IFT140: variants seen among roughly 807,000 people sequenced by gnomAD.
IFT140 encodes the protein intraflagellar transport protein 140 homolog.
In IFT140, 133 loss-of-function variants were observed where a neutral mutation model predicts 164.6. The observed-to-expected ratio is 0.81, with a 90% CI of 0.70 to 0.93. IFT140 has a LOEUF of 0.93. IFT140 is among the 40% of genes least tolerant of loss of function. The probability of loss-of-function intolerance (pLI) is 0.00; values close to 1 mark genes in which losing one functional copy is unlikely to be tolerated. For synonymous variants in IFT140, 860 were observed against 817.3 expected (o/e 1.05, Z -0.89); for missense variants, 2,045 against 1,972.3 (o/e 1.04, Z -0.70).
chr16:1,539,010 C>A (rs2031353115), intron 19 of IFT140, among the ~76,000 whole-genome samples: 1 of 151,532 alleles, frequency 6.6e-6, no homozygotes, highest in African/African-American at 2.4e-5. Context: ...GCCACGCGGC[C>A]CCCCACCTCA....
rs547567904 is a variant in IFT140, at chr16:1,548,217, A to G, written c.2399+9718T>C. 3.3e-4 allele frequency among the ~76,000 whole-genome samples: 51 copies of G among 152,336 alleles called. 1 individual carries two copies. The highest frequency in any genetic ancestry group is 1.1e-3 in the African/African-American group (47 of 41,568). ...GTGGCCAGGGGGCCGTCTGCTCCGC[A>G]TAGATTCTCTTTAGAGCCAGTTGCA... On this transcript the variant is annotated intron_variant, in intron 19 of 30. Coordinates refer to ENST00000426508, the MANE Select transcript of IFT140 (RefSeq NM_014714.4).
At chr16:1,536,481 C>A (rs1431060238) in intron 19 of IFT140, among the ~76,000 whole-genome samples, 1 of 152,252 alleles carries the variant, frequency 6.6e-6, no homozygotes, top group Non-Finnish European at 1.5e-5. Context: ...TGTATGGCAT[C>A]TGCAGGTGGC....
intron 11 of IFT140, among the ~76,000 whole-genome samples, 162 bp downstream of exon 11, chr16:1,584,055 C>T (rs1412287648): frequency 1.3e-5 from 2 of 152,128 alleles, no homozygotes; most frequent in African/African-American, 4.8e-5. Flanking sequence ...TTACGATTTT[C>T]TTTATGAATA....
intron 6 of IFT140, among the ~76,000 whole-genome samples, chr16:1,591,448 T>C (rs1001094440): frequency 2.0e-5 from 3 of 152,202 alleles, no homozygotes; most frequent in African/African-American, 7.2e-5. Flanking sequence ...TCATCTGCTC[T>C]CTTCTTCCTG....
chr16:1,604,317 G>GTGTGTGTGTGTGTGTGTGTGTGT (rs10701132), intron 3 of IFT140: 17 of 125,000 alleles, frequency 1.4e-4, no homozygotes, highest in Admixed American at 6.2e-4. Flanking sequence ...GTGTGTGTGT[G>GTGTGTGTGTGTGTGTGTGTGTGT]GAGGGGGGAG....
intron 19 of IFT140, among the ~76,000 whole-genome samples, chr16:1,543,401 C>T (rs1047855259): frequency 6.6e-6 from 1 of 152,156 alleles, no homozygotes; most frequent in East Asian, 1.9e-4. Flanking sequence ...CGAGTCAGGC[C>T]GGGCTCTCTG....
Position 1,518,377 on chromosome 16 carries a change from G to GTCAT in IFT140, c.4041-21_4041-20insATGA. 6.2e-7 allele frequency: 1 copy of GTCAT among 1,606,426 alleles called. No homozygotes were observed. Among genetic ancestry groups the GTCAT allele is most frequent in the East Asian group, 2.2e-5 (1 of 44,548 alleles). Reference sequence around the variant, plus strand: ...TACGTCCTGCCGAGAGCAGAGATGAGGCCTGGGCCCCGAAGCCCTGAACAC... The same window carrying GTCAT: ...TACGTCCTGCCGAGAGCAGAGATGAGTCATGCCTGGGCCCCGAAGCCCTGAACAC... On this transcript the variant is annotated intron_variant, in intron 29 of 30. Transcript: ENST00000426508.
At chr16:1,526,997 C>A in intron 19 of IFT140, 1 of 573,038 alleles carries the variant, frequency 1.7e-6, no homozygotes, top group Non-Finnish European at 3.0e-6. Context: ...CACGGCCTTC[C>A]TAACCCCAAG....
In IFT140 at chr16:1,564,106, C is replaced by T; in HGVS notation, c.1958G>A (p.Trp653Ter). ...LKNYVPVNHF[W>*]DQSEPRLFVC... Reference sequence around the variant, plus strand: ...AAACAGCCGGGGCTCACTCTGGTCCCAGAAGTGGTTCACGGGAACATAATT... The same window carrying T: ...AAACAGCCGGGGCTCACTCTGGTCCTAGAAGTGGTTCACGGGAACATAATT... The change falls in exon 17 of 31, where the codon TGG (tryptophan) becomes TAG (stop). Residue 653 changes from tryptophan to a stop codon, truncating the protein, a stop_gained. Transcript: ENST00000426508. LOFTEE classifies it high-confidence loss of function. The surrounding 1 kb of genome is among the most constrained non-coding windows in gnomAD (Gnocchi z 5.5). The T allele has an allele frequency of 1.9e-6, 3 of 1,598,936 alleles. No individual in the cohort carries two copies. The highest frequency in any genetic ancestry group is 2.6e-6 in the Non-Finnish European group (3 of 1,168,370).
rs1390830763 is a variant in IFT140, at chr16:1,551,466, G to A, written c.2399+6469C>T. On this transcript the variant is annotated intron_variant, in intron 19 of 30. Transcript: ENST00000426508. The surrounding 1 kb of genome is among the most constrained non-coding windows in gnomAD (Gnocchi z 4.0). ...GCCCCAGGGTGGCAGAAGGGCGGCC[G>A]CAGGTAGCAGGGGAGACCCTAAGGC... Among the ~76,000 whole-genome samples, 3 of 152,176 alleles carry A rather than the reference G, an allele frequency of 2.0e-5. No homozygotes were observed. The highest frequency in any genetic ancestry group is 6.5e-5 in the Admixed American group (1 of 15,284).
intron 26 of IFT140, among the ~76,000 whole-genome samples, chr16:1,522,404 G>A (rs752304014): frequency 6.6e-6 from 1 of 152,106 alleles, no homozygotes; most frequent in African/African-American, 2.4e-5. Flanking sequence ...GCGTGGTGGT[G>A]CATGCCTGTA....
At chr16:1,571,215 G>A (rs930957297) in intron 14 of IFT140, among the ~76,000 whole-genome samples, 192 bp downstream of exon 14, 9 of 152,034 alleles carry the variant, frequency 5.9e-5, no homozygotes, top group African/African-American at 1.4e-4. Flanking sequence ...TCCTCTCCCC[G>A]ACACGGCTCC....
intron 19 of IFT140, among the ~76,000 whole-genome samples, chr16:1,528,024 G>A (rs1289950880): frequency 6.6e-6 from 1 of 152,206 alleles, no homozygotes; most frequent in Admixed American, 6.5e-5. Context: ...CATGAGAACC[G>A]TGTGTCCGCA....
rs550517172 is a variant in IFT140 at position 1,544,373 on chromosome 16, G to A, written c.2399+13562C>T. Among the ~76,000 whole-genome samples the A allele has an allele frequency of 3.3e-5, 5 of 152,064 alleles. No homozygotes were observed. The South Asian group carries it at 1.0e-3, about 32-fold the overall frequency. Reference sequence around the variant, plus strand: ...TAATTTTTTTTGTATTTTTAGTAGAGATGGGGTTTCACTATGTTCGCCAGG... The same window carrying A: ...TAATTTTTTTTGTATTTTTAGTAGAAATGGGGTTTCACTATGTTCGCCAGG... On this transcript the variant is annotated intron_variant, in intron 19 of 30. Coordinates refer to ENST00000426508, the MANE Select transcript of IFT140 (RefSeq NM_014714.4).
chr16:1,595,884 C>G (rs975340264), intron 4 of IFT140, among the ~76,000 whole-genome samples: 1 of 152,102 alleles, frequency 6.6e-6, no homozygotes, highest in African/African-American at 2.4e-5. Flanking sequence ...GAAATCCTGT[C>G]TCTACTAAAA....
chr16:1,514,943 A>G (rs941958084), intron 30 of IFT140, among the ~76,000 whole-genome samples: 4 of 152,322 alleles, frequency 2.6e-5, no homozygotes, highest in African/African-American at 9.6e-5. Context: ...AACTAAGTGT[A>G]AATTCTAGGG....
chr16:1,577,425 T>C lies in IFT140; in HGVS notation c.1524+3334A>G, dbSNP rs71385707. 1,207 of 152,312 alleles carry C rather than the reference T, an allele frequency of 7.9e-3. 6 individuals carry two copies. The highest frequency in any genetic ancestry group is 0.013 in the Non-Finnish European group (891 of 68,024). The allele number at this position is 152,312 out of a possible 1,614,324, so 9.4% of individuals were successfully genotyped here. Reference sequence around the variant, plus strand: ...GAAATATGTGTTAATCGACTGTTCATGTTGTTGGTGAGGCTTCCAGTCAAT... The same window carrying C: ...GAAATATGTGTTAATCGACTGTTCACGTTGTTGGTGAGGCTTCCAGTCAAT... On this transcript the variant is annotated intron_variant, in intron 13 of 30. Transcript: ENST00000426508.
intron 30 of IFT140, among the ~76,000 whole-genome samples, chr16:1,512,286 C>T (rs1396677156): frequency 2.0e-5 from 3 of 151,696 alleles, no homozygotes; most frequent in East Asian, 3.9e-4. Context: ...GAAATGTTGC[C>T]GGTCTCCAGC....
At chr16:1,526,375 C>T (rs1031646266) in intron 20 of IFT140, 9 of 564,926 alleles carry the variant, frequency 1.6e-5, no homozygotes, top group East Asian at 3.1e-5. Flanking sequence ...GGGGGTCTCT[C>T]GGGCGCTCTG....
Sources: gnomAD v4.1 joint callset for allele counts (sites outside exome capture counted in the v4.1 genomes callset) on GRCh38, gnomAD v4.1.1 for gene constraint, Gnocchi (gnomAD v3.1) non-coding constraint, MANE v1.5 for transcripts, NCBI Gene and HGNC (gene_info 2026-07-23, HGNC 2026-07-21) for gene names.